LIPC: variants seen among roughly 807,000 people sequenced by gnomAD.
The protein encoded by LIPC is lipase C, hepatic type.
Under a neutral mutation model 50.7 loss-of-function variants are expected in LIPC, and 44 were observed. That is an observed-to-expected ratio of 0.87 (90% CI 0.68 to 1.11). LIPC has a LOEUF of 1.11. LIPC is among the 50% of genes most tolerant of loss of function. LIPC has a pLI of 0.00. For synonymous variants in LIPC, 271 were observed against 256.4 expected (o/e 1.06, Z -0.54); for missense variants, 697 against 648.2 (o/e 1.08, Z -0.82).
At chr15:58,541,053 G>A (rs1477301267) in intron 2 of LIPC, among the ~76,000 whole-genome samples, 1 of 151,932 alleles carries the variant, frequency 6.6e-6, no homozygotes, top group African/African-American at 2.4e-5. Context: ...CCCCTGCCTT[G>A]GCCTCCCAAA....
At chr15:58,445,584 A>C (rs1266573198) in intron 1 of LIPC, among the ~76,000 whole-genome samples, 1 of 152,224 alleles carries the variant, frequency 6.6e-6, no homozygotes, top group Non-Finnish European at 1.5e-5. Flanking sequence ...ATCCTGGCAT[A>C]AACAGGGGCT....
intron 1 of LIPC, chr15:58,523,147 C>A (rs1213980047): frequency 6.6e-6 from 1 of 152,374 alleles, no homozygotes; most frequent in Non-Finnish European, 1.5e-5. Context: ...GTTCCAGCAG[C>A]CCTCGCTGCC....
chr15:58,464,767 G>A (rs995054073), intron 1 of LIPC, among the ~76,000 whole-genome samples: 13 of 152,226 alleles, frequency 8.5e-5, no homozygotes, highest in Non-Finnish European at 1.3e-4. Flanking sequence ...GAGGTCAGGG[G>A]TTCAAAACTA....
chr15:58,450,853 A>C (rs1893875393), intron 1 of LIPC, among the ~76,000 whole-genome samples: 1 of 152,202 alleles, frequency 6.6e-6, no homozygotes, highest in Non-Finnish European at 1.5e-5. Context: ...CAGGGTTTAC[A>C]GGTAAAACTG....
chr15:58,541,915 G>T lies in LIPC; in HGVS notation c.404G>T (p.Arg135Leu). 1 of 1,611,544 alleles carries T rather than the reference G, an allele frequency of 6.2e-7. No individual in the cohort carries two copies. The stretch of plus-strand genomic sequence containing the variant: ...CACGACCACTACACCATCGCCGTCC[G>T]CAACACCCGCCTTGTGGGCAAGGAG... ...LAHDHYTIAV[R>L]NTRLVGKEVA... Residue 135 changes from arginine to leucine, a missense_variant, in exon 3 of 9, where the codon CGC becomes CTC. Physicochemically the swap from Arg to Leu is moderately radical, Grantham distance 102. Transcript: ENST00000299022.
rs1213421958 is a variant in LIPC at position 58,569,843 on chromosome 15, C to T, written c.*1016C>T. ...AGAAATAAATGTTTCTTGTTTAAGC[C>T]ATCCAGACTATGGTAATTTGCTATA... On this transcript the variant is annotated 3_prime_UTR_variant, in exon 9 of 9. Coordinates refer to ENST00000299022, the MANE Select transcript of LIPC (RefSeq NM_000236.3). 2.0e-5 allele frequency: 3 copies of T among 153,806 alleles called. No individual in the cohort carries two copies. The highest frequency in any genetic ancestry group is 3.4e-3 in the Middle Eastern group (1 of 298). 9.5% of individuals were successfully genotyped at this position (153,806 alleles called of 1,614,324 possible). A position where few individuals can be genotyped will look rare whatever the true frequency, so the allele number is the denominator to read the frequency against.
At chr15:58,548,949 T>C (rs1893646724) in intron 6 of LIPC, among the ~76,000 whole-genome samples, 1 of 152,230 alleles carries the variant, frequency 6.6e-6, no homozygotes, top group Non-Finnish European at 1.5e-5. Context: ...CCCAGTTCTT[T>C]CATCTCTGTT....
At chr15:58,566,441 G>A (rs1359545507) in intron 8 of LIPC, 9 of 984,870 alleles carry the variant, frequency 9.1e-6, no homozygotes, top group East Asian at 2.3e-4. Context: ...AGTGATAAAC[G>A]AGAATCATAA....
chr15:58,553,160 C>G (rs1386244069), intron 6 of LIPC, among the ~76,000 whole-genome samples: 7 of 152,190 alleles, frequency 4.6e-5, no homozygotes, highest in African/African-American at 1.7e-4. Context: ...AAACCCTGGG[C>G]TCTGTCTATC....
intron 1 of LIPC, among the ~76,000 whole-genome samples, chr15:58,514,598 AGG>A: frequency 6.6e-6 from 1 of 152,152 alleles, no homozygotes; most frequent in Non-Finnish European, 1.5e-5. Flanking sequence ...CCAAGGCGGG[AGG>A]ATCACCTGAG....
chr15:58,443,067 C>G (rs555596275), intron 1 of LIPC, among the ~76,000 whole-genome samples: 10 of 152,302 alleles, frequency 6.6e-5, no homozygotes, highest in African/African-American at 2.4e-4. Context: ...CATGCACCAC[C>G]ATGTCCAGCT....
chr15:58,561,011 A>T, intron 7 of LIPC, 30 bp downstream of exon 7: 1 of 880,882 alleles, frequency 1.1e-6, no homozygotes, highest in Non-Finnish European at 1.8e-6. Context: ...CCCTAGGGTG[A>T]TGACACACTT....
intron 8 of LIPC, chr15:58,566,287 G>A: frequency 1.0e-6 from 1 of 985,462 alleles, no homozygotes; most frequent in Non-Finnish European, 1.2e-6. Context: ...TGTTCCCAGG[G>A]AGACAGGCAG....
intron 1 of LIPC, among the ~76,000 whole-genome samples, chr15:58,469,308 T>C (rs1408420510): frequency 1.3e-5 from 2 of 152,102 alleles, no homozygotes; most frequent in South Asian, 2.1e-4. Context: ...CTAAGGAATA[T>C]AGTTTTTTGA....
At chr15:58,436,808 T>C (rs1256733394) in intron 1 of LIPC, 1 of 456,244 alleles carries the variant, frequency 2.2e-6, no homozygotes, top group South Asian at 1.5e-5. Context: ...TGAAGGATGG[T>C]ATCCGGACAG....
At chr15:58,449,241 A>G (rs1290723786) in intron 1 of LIPC, among the ~76,000 whole-genome samples, 1 of 152,186 alleles carries the variant, frequency 6.6e-6, no homozygotes, top group Non-Finnish European at 1.5e-5. Context: ...ATGGACTGTT[A>G]TGAAGCATGT....
intron 1 of LIPC, among the ~76,000 whole-genome samples, chr15:58,479,679 A>T (rs1891120870): frequency 6.6e-6 from 1 of 152,190 alleles, no homozygotes; most frequent in Non-Finnish European, 1.5e-5. Context: ...TTCTTACAGA[A>T]TTGTTTTGTT....
At chr15:58,495,905 G>A (rs988555068) in intron 1 of LIPC, among the ~76,000 whole-genome samples, 7 of 152,342 alleles carry the variant, frequency 4.6e-5, no homozygotes, top group Non-Finnish European at 1.0e-4. Context: ...CAGAACATAT[G>A]CTCTGATATA....
intron 1 of LIPC, among the ~76,000 whole-genome samples, chr15:58,470,338 T>A (rs1472156996): frequency 2.0e-5 from 3 of 152,112 alleles, no homozygotes; most frequent in African/African-American, 7.2e-5. Context: ...TTTTATTAGG[T>A]ATTATAGTCA....
Sources: allele counts gnomAD v4.1 joint callset (sites outside exome capture counted in the v4.1 genomes callset), GRCh38; gene constraint gnomAD v4.1.1; transcripts MANE v1.5; gene names NCBI Gene and HGNC (gene_info 2026-07-23, HGNC 2026-07-21).